Variants in NR2C2 observed in about 807,000 individuals in gnomAD.
NR2C2 encodes nuclear receptor subfamily 2 group C member 2.
A neutral mutation model predicts 62.9 loss-of-function variants in NR2C2; 6 were observed. The ratio of observed to expected loss-of-function variants is 0.10; its 90% CI spans 0.05 to 0.19. The LOEUF (loss-of-function observed/expected upper bound fraction) is 0.19, where lower values mean the gene tolerates loss of function less well. Among genes scored for constraint, NR2C2 ranks in the 10% least tolerant of loss-of-function variants. The pLI is 1.00. For missense variants in NR2C2, 479 were observed against 762.7 expected (o/e 0.63, Z 4.38); for synonymous variants, 272 against 273.8 (o/e 0.99, Z 0.07).
intron 1 of NR2C2, among the ~76,000 whole-genome samples, chr3:14,954,711 G>T (rs2039473074): frequency 6.6e-6 from 1 of 152,180 alleles, no homozygotes; most frequent in Admixed American, 6.6e-5. Flanking sequence ...ATGGGAAGGG[G>T]TGTGAGAGGG....
intron 1 of NR2C2, chr3:14,948,296 G>A: frequency 6.6e-6 from 1 of 152,604 alleles, no homozygotes; most frequent in Non-Finnish European, 1.5e-5. Flanking sequence ...TTCCTTCTCT[G>A]CCGGGATTTT....
intron 1 of NR2C2, among the ~76,000 whole-genome samples, chr3:14,961,240 G>A (rs542366334): frequency 6.6e-6 from 1 of 152,196 alleles, no homozygotes; most frequent in Non-Finnish European, 1.5e-5. Flanking sequence ...TCATAATAGA[G>A]GTGGCTATCT....
chr3:15,029,816 G>GATAA (rs2041923463), intron 8 of NR2C2, among the ~76,000 whole-genome samples: 2 of 125,380 alleles, frequency 1.6e-5, no homozygotes, highest in Admixed American at 7.8e-5. Flanking sequence ...TAGATAGATA[G>GATAA]ATAGATAGAT....
chr3:14,977,739 C>T (rs1011576396), intron 1 of NR2C2, among the ~76,000 whole-genome samples: 28 of 151,900 alleles, frequency 1.8e-4, no homozygotes, highest in Non-Finnish European at 3.1e-4. Flanking sequence ...CCGAGGCGGG[C>T]GGATTGCCTG....
At chr3:14,978,055 A>G (rs965994779) in intron 1 of NR2C2, among the ~76,000 whole-genome samples, 2 of 152,174 alleles carry the variant, frequency 1.3e-5, no homozygotes, top group African/African-American at 4.8e-5. Flanking sequence ...AGAAATAAAA[A>G]TATTAAAAAA....
intron 13 of NR2C2, among the ~76,000 whole-genome samples, chr3:15,040,145 G>A (rs1012049108): frequency 1.3e-5 from 2 of 151,356 alleles, no homozygotes; most frequent in Non-Finnish European, 2.9e-5. Flanking sequence ...GGGTGACAGA[G>A]TGAGACTCCT....
intron 1 of NR2C2, among the ~76,000 whole-genome samples, chr3:14,954,054 G>T (rs571841021): frequency 2.0e-5 from 3 of 152,100 alleles, no homozygotes; most frequent in African/African-American, 7.2e-5. Context: ...TACCACACTC[G>T]TTCTTGTCCC....
intron 13 of NR2C2, among the ~76,000 whole-genome samples, chr3:15,040,505 G>T (rs1443524033): frequency 6.6e-6 from 1 of 152,210 alleles, no homozygotes; most frequent in East Asian, 1.9e-4. Context: ...TGCCCCTGGG[G>T]GCTACCCCTT....
intron 1 of NR2C2, among the ~76,000 whole-genome samples, chr3:14,960,580 T>A (rs2039663325): frequency 6.6e-6 from 1 of 152,216 alleles, no homozygotes; most frequent in Non-Finnish European, 1.5e-5. Flanking sequence ...TTTCTAGTAC[T>A]CTGTTTCTAT....
At chr3:14,949,883 C>G (rs1008945620) in intron 1 of NR2C2, among the ~76,000 whole-genome samples, 1 of 152,162 alleles carries the variant, frequency 6.6e-6, no homozygotes, top group South Asian at 2.1e-4. Flanking sequence ...TATTTATACA[C>G]ATACATACAC....
intron 5 of NR2C2, among the ~76,000 whole-genome samples, chr3:15,022,628 A>G (rs1575018650): frequency 6.6e-6 from 1 of 152,006 alleles, no homozygotes; most frequent in Non-Finnish European, 1.5e-5. Flanking sequence ...TGATCCACCC[A>G]TCTCGGCTTC....
At chr3:15,021,708 G>A (rs868295490) in intron 5 of NR2C2, among the ~76,000 whole-genome samples, 1 of 152,212 alleles carries the variant, frequency 6.6e-6, no homozygotes, top group Non-Finnish European at 1.5e-5. Flanking sequence ...GCTGGTGGCC[G>A]AGGACCCAGG....
chr3:14,973,045 T>A (rs2040096089), intron 1 of NR2C2, among the ~76,000 whole-genome samples: 1 of 152,180 alleles, frequency 6.6e-6, no homozygotes, highest in African/African-American at 2.4e-5. Context: ...ATATCACAGA[T>A]ATATGATTTG....
rs770223456 is a variant in NR2C2 at position 15,020,756 on chromosome 3, G to A, written c.380G>A (p.Arg127His). ...CVVCGDKASG[R>H]HYGAVSCEGC... ...TGTATTCTTTCTCCTGTTTCAGGCC[G>A]TCACTATGGGGCTGTCAGTTGTGAA... The change falls in exon 5 of 14, where the codon CGT becomes CAT. Residue 127 changes from arginine to histidine, a missense_variant. Arg to His is a conservative substitution (Grantham distance 29, BLOSUM62 0). Around this residue, in one of 4 missense-constraint regions of NR2C2, gnomAD observed 51 missense variants for 137.5 expected, o/e 0.37. Transcript: ENST00000425241. 1.2e-6 allele frequency: 2 copies of A among 1,612,774 alleles called. No homozygotes were observed. Among genetic ancestry groups the A allele is most frequent in the Non-Finnish European group, 1.7e-6 (2 of 1,179,580 alleles).
chr3:15,011,218 G>C (rs775010848), intron 2 of NR2C2, among the ~76,000 whole-genome samples: 10 of 152,150 alleles, frequency 6.6e-5, no homozygotes, highest in Non-Finnish European at 1.0e-4. Flanking sequence ...ACGCGCCTGT[G>C]GTCTCAGCTA....
intron 1 of NR2C2, among the ~76,000 whole-genome samples, chr3:14,990,482 A>C (rs1291403687): frequency 2.0e-5 from 3 of 152,156 alleles, no homozygotes; most frequent in Non-Finnish European, 2.9e-5. Flanking sequence ...AGTGTACTTG[A>C]CCTTCCGCAG....
At chr3:15,038,234 C>A in intron 12 of NR2C2, 97 bp downstream of exon 12, 1 of 1,299,740 alleles carries the variant, frequency 7.7e-7, no homozygotes, top group South Asian at 1.5e-5. Context: ...AGAAAGAGCC[C>A]TGCAGATTGT....
chr3:15,001,792 A>AT lies in NR2C2; in HGVS notation c.-39-2077dup, dbSNP rs781703169. On this transcript the variant is annotated intron_variant, in intron 1 of 13. Coordinates refer to ENST00000425241, the MANE Select transcript of NR2C2 (RefSeq NM_001291694.2). ...ACCACCACACACACCTGATTTTTTG[A>AT]TTTTTTTGTAGAGATGGGTCTTGCT... Among the ~76,000 whole-genome samples, 30 of 151,180 alleles carry AT rather than the reference A, an allele frequency of 2.0e-4. No homozygotes were observed. In the East Asian group the frequency reaches 2.7e-3, roughly 14 times the overall value.
At position 14,983,122 on chromosome 3, in the gene NR2C2, T is replaced by A. The variant is rs139856400; in HGVS notation, c.-39-20754T>A. On this transcript the variant is annotated intron_variant, in intron 1 of 13. Transcript: ENST00000425241. The stretch of plus-strand genomic sequence containing the variant: ...TTTCTTTGTGTTATGAACATTCCAG[T>A]TGTACTCCCTCAGTTATACTGAAAT... Among the ~76,000 whole-genome samples the A allele has an allele frequency of 1.6e-4, 25 of 152,314 alleles. No homozygotes were observed. The East Asian group carries it at 4.6e-3, about 28-fold the overall frequency.
Sources: allele counts gnomAD v4.1 joint callset (sites outside exome capture counted in the v4.1 genomes callset), GRCh38; gene constraint gnomAD v4.1.1; regional missense constraint gnomAD v4.1.1; transcripts MANE v1.5; gene names NCBI Gene and HGNC (gene_info 2026-07-23, HGNC 2026-07-21).